Variants in FCRL2 observed in about 807,000 individuals in gnomAD.
The protein encoded by FCRL2 is Fc receptor-like protein 2.
FCRL2 carries 48 observed loss-of-function variants against 59.8 expected under a neutral mutation model. That is an observed-to-expected ratio of 0.80 (90% confidence interval 0.64 to 1.02). FCRL2 has a LOEUF of 1.02. Among genes scored for constraint, FCRL2 ranks in the 50% least tolerant of loss-of-function variants. FCRL2 has a pLI of 0.00. For synonymous variants in FCRL2, 251 were observed against 229.5 expected (o/e 1.09, Z -0.85); for missense variants, 658 against 597.3 (o/e 1.10, Z -1.06).
intron 10 of FCRL2, 120 bp from the exon 11 acceptor site, chr1:157,747,019 G>T: frequency 2.8e-6 from 3 of 1,065,954 alleles, no homozygotes; most frequent in African/African-American, 1.6e-5. Flanking sequence ...ATTTTCTCCT[G>T]TTCTGTAAAA....
chr1:157,768,452 A>C lies in FCRL2; in HGVS notation c.845T>G (p.Val282Gly). 6.2e-7 allele frequency: 1 copy of C among 1,614,234 alleles called. No individual in the cohort carries two copies. Among genetic ancestry groups the C allele is most frequent in the Non-Finnish European group, 8.5e-7 (1 of 1,180,032 alleles). ...ATTCACCACCTTGCTCTGGATAGGC[A>C]CATGGCCGTTGTCAGCTCTACAGTA... Reference protein sequence around the residue: ...KYYCRADNGHVPIQSKVVNIP... With the variant: ...KYYCRADNGHGPIQSKVVNIP... Residue 282 changes from valine to glycine, a missense_variant, in exon 5 of 12, where the codon GTG (valine) becomes GGG (glycine). Transcript: ENST00000361516.
chr1:157,771,860 T>C (rs1650046079), intron 2 of FCRL2, among the ~76,000 whole-genome samples: 1 of 151,870 alleles, frequency 6.6e-6, no homozygotes, highest in African/African-American at 2.4e-5. Context: ...CAGAAGTCAA[T>C]AAAATAAGAG....
At chr1:157,760,698 G>GGAAAGAAATAAAGAAA (rs1648979246) in intron 7 of FCRL2, among the ~76,000 whole-genome samples, 1 of 97,206 alleles carries the variant, frequency 1.0e-5, no homozygotes, top group African/African-American at 4.7e-5. Flanking sequence ...AAAGAAAGAA[G>GGAAAGAAATAAAGAAA]GAAAGAAAGA....
intron 10 of FCRL2, 81 bp from the exon 11 acceptor site, chr1:157,746,980 G>T: frequency 1.4e-6 from 2 of 1,388,260 alleles, no homozygotes; most frequent in Non-Finnish European, 2.0e-6. Context: ...CCAGGGCATA[G>T]AACTACTATG....
chr1:157,770,484 T>C lies in FCRL2; in HGVS notation c.235A>G (p.Asn79Asp). 2.5e-6 allele frequency: 4 copies of C among 1,614,104 alleles called. No homozygotes were observed. Among genetic ancestry groups the C allele is most frequent in the Non-Finnish European group, 3.4e-6 (4 of 1,179,906 alleles). ...TGTCCTTTGGTACTACAGAAATAGT[T>C]ACCACTGTCACTTAAAACTGCACTT... ...IQSAVLSDSG[N>D]YFCSTKGQLF... is the part of the protein sequence containing the mutation. The change falls in exon 3 of 12, where the codon AAC (asparagine) becomes GAC (aspartate). Residue 79 changes from asparagine to aspartate, a missense_variant. Physicochemically the swap from Asn to Asp is conservative, Grantham distance 23. Coordinates refer to ENST00000361516, the MANE Select transcript of FCRL2 (RefSeq NM_030764.4).
chr1:157,775,817 G>A, intron 1 of FCRL2, 22 bp from the exon 2 acceptor site: 1 of 1,613,674 alleles, frequency 6.2e-7, no homozygotes, highest in Non-Finnish European at 8.5e-7. Context: ...TCAAAAGCCA[G>A]AGATTAGCAC....
At chr1:157,749,018 G>T in intron 8 of FCRL2, 58 bp from the exon 9 acceptor site, 3 of 1,464,576 alleles carry the variant, frequency 2.0e-6, no homozygotes, top group Non-Finnish European at 2.9e-6. Context: ...GAGAACAGAG[G>T]GGAGACTGGC....
intron 7 of FCRL2, among the ~76,000 whole-genome samples, chr1:157,763,389 G>T (rs1482310208): frequency 6.6e-6 from 1 of 152,064 alleles, no homozygotes; most frequent in Non-Finnish European, 1.5e-5. Context: ...GCCAGGCATG[G>T]TGGCGGGTGC....
intron 7 of FCRL2, among the ~76,000 whole-genome samples, chr1:157,750,268 A>G (rs1407916085): frequency 6.6e-6 from 1 of 152,232 alleles, no homozygotes; most frequent in African/African-American, 2.4e-5. Context: ...GAGAATCCTC[A>G]TAGCGATCCA....
intron 1 of FCRL2, among the ~76,000 whole-genome samples, 170 bp from the exon 2 acceptor site, chr1:157,775,965 A>C (rs527365848): frequency 6.6e-6 from 1 of 152,320 alleles, no homozygotes; most frequent in South Asian, 2.1e-4. Flanking sequence ...CACACATCTA[A>C]CTGTCATTCA....
chr1:157,768,145 C>G (rs1427481976), intron 5 of FCRL2: 2 of 394,944 alleles, frequency 5.1e-6, no homozygotes, highest in Non-Finnish European at 9.0e-6. Flanking sequence ...GCCCAGAGCC[C>G]AAAGGTTTCA....
In FCRL2 at chr1:157,770,523, C is replaced by G; in HGVS notation, c.196G>C (p.Asp66His). The G allele has an allele frequency of 6.2e-7, 1 of 1,614,214 alleles. No individual in the cohort carries two copies. The highest frequency in any genetic ancestry group is 8.5e-7 in the Non-Finnish European group (1 of 1,180,032). ...AAAACTGCACTTTGGATAAGGAAAT[C>G]TGAGAATTTTTTGAAAACAGATAAC... ...KELSVFKKFS[D>H]FLIQSAVLSD... Residue 66 changes from aspartate to histidine, a missense_variant, in exon 3 of 12, where the codon GAT (aspartate) becomes CAT (histidine). Physicochemically the swap from Asp to His is moderately conservative, Grantham distance 81. Coordinates refer to ENST00000361516, the MANE Select transcript of FCRL2 (RefSeq NM_030764.4).
In FCRL2 at chr1:157,771,961, G is replaced by A. The variant is rs531632262; in HGVS notation, c.53-1295C>T. On this transcript the variant is annotated intron_variant, in intron 2 of 11. Transcript: ENST00000361516. ...TTGGAGGTATAATTTTTGGCAAAAT[G>A]TATGGTTCGCTACTGGCTATTTCAG... 1.9e-4 allele frequency among the ~76,000 whole-genome samples: 29 copies of A among 151,864 alleles called. No individual in the cohort carries two copies. The South Asian group carries it at 5.4e-3, about 28-fold the overall frequency.
chr1:157,760,639 A>AAAAGAAAG (rs879312799), intron 7 of FCRL2, among the ~76,000 whole-genome samples: 4 of 143,066 alleles, frequency 2.8e-5, no homozygotes, highest in African/African-American at 1.1e-4. Flanking sequence ...AGAAAGAAAG[A>AAAAGAAAG]AAAGAAAGAA....
At chr1:157,750,103 G>A (rs150675337) in intron 7 of FCRL2, among the ~76,000 whole-genome samples, 168 of 152,238 alleles carry the variant, frequency 1.1e-3, no homozygotes, top group African/African-American at 3.9e-3. Flanking sequence ...TTTGATATTT[G>A]CAACACTTAG....
rs1647704997 is a variant in FCRL2, at chr1:157,745,871, G to C, written c.*865C>G. 6.6e-6 allele frequency: 1 copy of C among 152,104 alleles called. No individual in the cohort carries two copies. Among genetic ancestry groups the C allele is most frequent in the Non-Finnish European group, 1.5e-5 (1 of 68,034 alleles). The allele number at this position is 152,104 out of a possible 1,614,324, so 9.4% of individuals were successfully genotyped here. A position where few individuals can be genotyped will look rare whatever the true frequency, so the allele number is the denominator to read the frequency against. On this transcript the variant is annotated 3_prime_UTR_variant, in exon 12 of 12. Transcript: ENST00000361516. ...TGGTGATATTGCAGGTTCAGTTCCA[G>C]ACTACCAAAATAAAACAAATGCTGC...
intron 7 of FCRL2, among the ~76,000 whole-genome samples, chr1:157,766,436 A>G (rs868390274): frequency 1.3e-5 from 2 of 151,952 alleles, no homozygotes; most frequent in South Asian, 2.1e-4. Context: ...ACGCCACTGC[A>G]CTCCAGCCTG....
At chr1:157,765,360 A>G (rs963134416) in intron 7 of FCRL2, among the ~76,000 whole-genome samples, 10 of 152,336 alleles carry the variant, frequency 6.6e-5, no homozygotes, top group Non-Finnish European at 1.5e-4. Context: ...AATTCTACCA[A>G]ATGTATAAAG....
Position 157,768,657 on chromosome 1 carries a change from C to T in FCRL2, c.640G>A (p.Gly214Arg). Residue 214 changes from glycine to arginine, a missense_variant, in exon 5 of 12, where the codon GGA (glycine) becomes AGA (arginine). Gly to Arg is a moderately radical substitution (Grantham distance 125). Transcript: ENST00000361516. Reference sequence around the variant, plus strand: ...AGTTTTTGTCCTTCAGTCACCTGTCCCCCGGGGGCCCGGATCTCCAAGCTT... The same window carrying T: ...AGTTTTTGTCCTTCAGTCACCTGTCTCCCGGGGGCCCGGATCTCCAAGCTT... Reference protein sequence around the residue: ...NVSLEIRAPGGQVTEGQKLIL... With the variant: ...NVSLEIRAPGRQVTEGQKLIL... The T allele has an allele frequency of 1.2e-6, 2 of 1,613,938 alleles. No individual in the cohort carries two copies. Among genetic ancestry groups the T allele is most frequent in the Non-Finnish European group, 8.5e-7 (1 of 1,179,894 alleles).
Sources: allele counts gnomAD v4.1 joint callset (sites outside exome capture counted in the v4.1 genomes callset), GRCh38; gene constraint gnomAD v4.1.1; transcripts MANE v1.5; gene names NCBI Gene and HGNC (gene_info 2026-07-23, HGNC 2026-07-21).